SLC17A8: variants seen among roughly 807,000 people sequenced by gnomAD.
The protein encoded by SLC17A8 is vesicular glutamate transporter 3.
In SLC17A8, 31 loss-of-function variants were observed where a neutral mutation model predicts 58.0. The observed-to-expected ratio is 0.53, with a 90% confidence interval of 0.40 to 0.72. The LOEUF is 0.72. Among genes scored for constraint, SLC17A8 ranks in the 30% least tolerant of loss-of-function variants. The pLI is 0.00. For missense variants in SLC17A8, 655 were observed against 727.8 expected (o/e 0.90, Z 1.15); for synonymous variants, 228 against 249.0 (o/e 0.92, Z 0.79).
chr12:100,413,418 A>G (rs1417164104), intron 10 of SLC17A8, among the ~76,000 whole-genome samples: 1 of 152,202 alleles, frequency 6.6e-6, no homozygotes, highest in Non-Finnish European at 1.5e-5. Context: ...AATAATGACA[A>G]TGATGATGTG....
chr12:100,363,969 C>T (rs1439314615), intron 1 of SLC17A8, among the ~76,000 whole-genome samples: 1 of 149,744 alleles, frequency 6.7e-6, no homozygotes, highest in Non-Finnish European at 1.5e-5. Context: ...CTTGATTAAA[C>T]CCAAGGGGGA....
At chr12:100,405,727 G>A (rs1952822090) in intron 9 of SLC17A8, among the ~76,000 whole-genome samples, 1 of 152,098 alleles carries the variant, frequency 6.6e-6, no homozygotes, top group Non-Finnish European at 1.5e-5. Flanking sequence ...GTATTTTAGA[G>A]GTGACATCTA....
rs760410151 is a variant in SLC17A8, at chr12:100,420,009, G to A, written c.1620G>A (p.Ala540=). The change falls in exon 12 of 12, where the codon GCG becomes GCA. Residue 540 remains alanine, a synonymous_variant. Coordinates refer to ENST00000323346, the MANE Select transcript of SLC17A8 (RefSeq NM_139319.3). ...TAGAACTCAACCATGAGAGTTTTGC[G>A]AGTCCCAAAAAGAAGATGTCTTATG... ...EEIELNHESF[A]SPKKKMSYGA... 5.6e-6 allele frequency: 9 copies of A among 1,613,812 alleles called. No homozygotes were observed. The highest frequency in any genetic ancestry group is 5.3e-5 in the African/African-American group (4 of 74,900).
At chr12:100,371,157 A>G (rs1400025767) in intron 1 of SLC17A8, among the ~76,000 whole-genome samples, 1 of 152,096 alleles carries the variant, frequency 6.6e-6, no homozygotes, top group Non-Finnish European at 1.5e-5. Context: ...CCATTTATTG[A>G]TTATTTATCA....
chr12:100,359,446 A>G lies in SLC17A8; in HGVS notation c.101+1954A>G, dbSNP rs141269572. Among the ~76,000 whole-genome samples the G allele has an allele frequency of 2.2e-3, 342 of 152,290 alleles. 11 individuals are homozygous for G. The East Asian group carries it at 0.06, about 27-fold the overall frequency. Reference sequence around the variant, plus strand: ...TCCAAATTGTGTGACCTCAACCAGAAATTGGGCTATGTGTCTAGGACTGTT... The same window carrying G: ...TCCAAATTGTGTGACCTCAACCAGAGATTGGGCTATGTGTCTAGGACTGTT... On this transcript the variant is annotated intron_variant, in intron 1 of 11. Transcript: ENST00000323346.
At chr12:100,391,170 A>C in intron 3 of SLC17A8, 51 bp downstream of exon 3, 1 of 1,308,954 alleles carries the variant, frequency 7.6e-7, no homozygotes, top group Non-Finnish European at 1.1e-6. Flanking sequence ...GTGGCTTTGT[A>C]CCTATAAATT....
At chr12:100,404,289 G>A (rs1198958702) in intron 9 of SLC17A8, 119 bp downstream of exon 9, 1 of 1,327,630 alleles carries the variant, frequency 7.5e-7, no homozygotes, top group Non-Finnish European at 1.1e-6. Context: ...AGACCTCTAA[G>A]TCTGTCCCTC....
intron 2 of SLC17A8, among the ~76,000 whole-genome samples, chr12:100,381,527 G>A (rs1952637553): frequency 6.6e-6 from 1 of 151,256 alleles, no homozygotes; most frequent in African/African-American, 2.4e-5. Flanking sequence ...GAAGAAGAAT[G>A]TTTGAAGAAA....
intron 1 of SLC17A8, among the ~76,000 whole-genome samples, chr12:100,358,388 A>C (rs1390730195): frequency 6.6e-6 from 1 of 152,094 alleles, no homozygotes; most frequent in Non-Finnish European, 1.5e-5. Context: ...TAACTTTTCT[A>C]TTATCTCTTA....
intron 9 of SLC17A8, 141 bp downstream of exon 9, chr12:100,404,311 G>A: frequency 9.3e-7 from 1 of 1,079,914 alleles, no homozygotes; most frequent in Non-Finnish European, 1.4e-6. Context: ...GCAGACACTT[G>A]AGTGTTGTCC....
At chr12:100,407,974 A>G (rs1952838935) in intron 9 of SLC17A8, among the ~76,000 whole-genome samples, 1 of 152,230 alleles carries the variant, frequency 6.6e-6, no homozygotes, top group Non-Finnish European at 1.5e-5. Flanking sequence ...TAAAAAGACC[A>G]TAATGGTCCC....
intron 2 of SLC17A8, among the ~76,000 whole-genome samples, chr12:100,390,087 C>T (rs1223247711): frequency 1.3e-5 from 2 of 152,018 alleles, no homozygotes; most frequent in African/African-American, 2.4e-5. Flanking sequence ...TCCCAAAGTG[C>T]TGGGATTACA....
intron 1 of SLC17A8, among the ~76,000 whole-genome samples, chr12:100,374,277 G>C (rs1252032689): frequency 1.3e-5 from 2 of 152,098 alleles, no homozygotes; most frequent in East Asian, 3.8e-4. Context: ...CTGTGAGCTA[G>C]GCTATACAAG....
chr12:100,378,281 TG>T (rs1201673259), intron 1 of SLC17A8, among the ~76,000 whole-genome samples: 15 of 152,016 alleles, frequency 9.9e-5, no homozygotes, highest in Non-Finnish European at 1.5e-4. Flanking sequence ...AAAGAGAAAG[TG>T]GTCAATTGTA....
chr12:100,413,703 C>T (rs533748946), intron 10 of SLC17A8, among the ~76,000 whole-genome samples: 3 of 152,246 alleles, frequency 2.0e-5, no homozygotes, highest in South Asian at 2.1e-4. Flanking sequence ...TGGCCGGGTG[C>T]GCTGGCTTAC....
At chr12:100,400,998 C>CTT (rs4015907) in intron 5 of SLC17A8, among the ~76,000 whole-genome samples, 34,615 of 112,916 alleles carry the variant, frequency 0.31, 6,848 homozygotes, top group Non-Finnish European at 0.39. Context: ...CACCCCTCAC[C>CTT]TTTTTTTTTT....
intron 1 of SLC17A8, among the ~76,000 whole-genome samples, chr12:100,368,103 G>C (rs887947005): frequency 6.6e-6 from 1 of 152,192 alleles, no homozygotes; most frequent in African/African-American, 2.4e-5. Flanking sequence ...TAGGGCTGCT[G>C]TAACAAAGTA....
Position 100,387,986 on chromosome 12 carries a change from C to G in SLC17A8, c.355-3015C>G, listed in dbSNP as rs189943386. ...AGAGTTCCGGTGATGTCTTAAAGAACCCTTCATCATTGTAACCTCTCTTGC... is the reference window on the plus strand; with the variant it reads ...AGAGTTCCGGTGATGTCTTAAAGAAGCCTTCATCATTGTAACCTCTCTTGC... On this transcript the variant is annotated intron_variant, in intron 2 of 11. Coordinates refer to ENST00000323346, the MANE Select transcript of SLC17A8 (RefSeq NM_139319.3). Among the ~76,000 whole-genome samples the G allele has an allele frequency of 8.5e-5, 13 of 152,200 alleles. No individual in the cohort carries two copies. In the East Asian group the frequency reaches 2.5e-3, roughly 29 times the overall value.
intron 10 of SLC17A8, among the ~76,000 whole-genome samples, chr12:100,413,266 G>A (rs982825989): frequency 6.6e-6 from 1 of 152,136 alleles, no homozygotes; most frequent in East Asian, 1.9e-4. Context: ...AGAGAACTGC[G>A]AGTGTCATTA....
Sources: gnomAD v4.1 joint callset for allele counts (sites outside exome capture counted in the v4.1 genomes callset) on GRCh38, gnomAD v4.1.1 for gene constraint, MANE v1.5 for transcripts, NCBI Gene and HGNC (gene_info 2026-07-23, HGNC 2026-07-21) for gene names.